ARSJ: variants seen among roughly 807,000 people sequenced by gnomAD.
ARSJ encodes arylsulfatase family member J.
In ARSJ, 26 loss-of-function variants were observed where a neutral mutation model predicts 35.9. The ratio of observed to expected loss-of-function variants is 0.72; its 90% confidence interval spans 0.53 to 1.00. The LOEUF (loss-of-function observed/expected upper bound fraction) is 1.00. ARSJ is among the 50% of genes least tolerant of loss of function. ARSJ has a pLI of 0.00. For synonymous variants in ARSJ, 294 were observed against 267.6 expected (o/e 1.10, Z -0.96); for missense variants, 667 against 723.6 (o/e 0.92, Z 0.90).
At chr4:113,927,727 A>G (rs1724162671) in intron 1 of ARSJ, among the ~76,000 whole-genome samples, 1 of 152,160 alleles carries the variant, frequency 6.6e-6, no homozygotes, top group South Asian at 2.1e-4. Flanking sequence ...AGGAGAATCC[A>G]TTGTCATTCT....
intron 1 of ARSJ, among the ~76,000 whole-genome samples, chr4:113,965,174 AT>A (rs1481161879): frequency 1.3e-5 from 2 of 152,154 alleles, no homozygotes; most frequent in Non-Finnish European, 2.9e-5. Flanking sequence ...GAAAGGTAAT[AT>A]TGACATCATT....
intron 1 of ARSJ, among the ~76,000 whole-genome samples, chr4:113,965,448 C>T (rs1726832139): frequency 6.6e-6 from 1 of 152,080 alleles, no homozygotes; most frequent in Non-Finnish European, 1.5e-5. Flanking sequence ...AGCTTCATTA[C>T]TTACATCTTG....
chr4:113,945,217 A>C (rs764572084), intron 1 of ARSJ, among the ~76,000 whole-genome samples: 1 of 151,982 alleles, frequency 6.6e-6, no homozygotes, highest in Non-Finnish European at 1.5e-5. Context: ...ATCACAGCTC[A>C]CTGACCTCCT....
rs749353614 is a variant in ARSJ, at chr4:113,902,882, G to A, written c.1192C>T (p.Leu398=). Residue 398 remains leucine (L), a synonymous_variant, in exon 2 of 2, where the codon CTA becomes TTA. Transcript: ENST00000315366. The part of the protein sequence containing the change: ...AEGQIDEDIQ[L]DGYDIWETIS... ...GTCTCCCAGATATCATAGCCATCTA[G>A]TTGAATGTCCTCATCAATCTGTCCT... 1.2e-6 allele frequency: 2 copies of A among 1,614,170 alleles called. No homozygotes were observed. The highest frequency in any genetic ancestry group is 2.2e-5 in the South Asian group (2 of 91,088).
chr4:113,967,998 T>G (rs1727000982), intron 1 of ARSJ, among the ~76,000 whole-genome samples: 1 of 152,236 alleles, frequency 6.6e-6, no homozygotes, highest in South Asian at 2.1e-4. Context: ...AGAGTCTGCT[T>G]ATCAGCAAAC....
chr4:113,939,718 A>T (rs1320100178), intron 1 of ARSJ, among the ~76,000 whole-genome samples: 1 of 152,072 alleles, frequency 6.6e-6, no homozygotes, highest in African/African-American at 2.4e-5. Context: ...TCTTTTGAGA[A>T]GTGTCTGTTC....
Position 113,901,720 on chromosome 4 carries a change from T to A in ARSJ, c.*554A>T, listed in dbSNP as rs1038554569. ...AGGAAAAGAAACATATATATATATA[T>A]AAAATAGAATTAATTAAAAAACCCA... On this transcript the variant is annotated 3_prime_UTR_variant, in exon 2 of 2. Coordinates refer to ENST00000315366, the MANE Select transcript of ARSJ (RefSeq NM_024590.4). 4.0e-5 allele frequency: 6 copies of A among 151,836 alleles called. No individual in the cohort carries two copies. Among genetic ancestry groups the A allele is most frequent in the East Asian group, 1.9e-4 (1 of 5,212 alleles). The allele number at this position is 151,836 out of a possible 1,614,324, so 9.4% of individuals were successfully genotyped here. A position where few individuals can be genotyped will look rare whatever the true frequency, so the allele number is the denominator to read the frequency against.
At chr4:113,965,205 T>C (rs540521952) in intron 1 of ARSJ, among the ~76,000 whole-genome samples, 15 of 152,226 alleles carry the variant, frequency 9.9e-5, no homozygotes, top group South Asian at 4.1e-4. Flanking sequence ...ATGAAACAAA[T>C]GAAAAACAAG....
chr4:113,936,667 C>G (rs1312586738), intron 1 of ARSJ, among the ~76,000 whole-genome samples: 1 of 151,804 alleles, frequency 6.6e-6, no homozygotes, highest in Non-Finnish European at 1.5e-5. Flanking sequence ...CCTGTCAAAT[C>G]AGAATCAGAT....
Position 113,902,198 on chromosome 4 carries a change from A to C in ARSJ, c.*76T>G. ...TTAGGCCAGCGATATTATCGAGCCAAATTTGCTGGTTTACCTAGGAAACAG... is the reference window on the plus strand; with the variant it reads ...TTAGGCCAGCGATATTATCGAGCCACATTTGCTGGTTTACCTAGGAAACAG... On this transcript the variant is annotated 3_prime_UTR_variant, in exon 2 of 2. Transcript: ENST00000315366. 6.3e-7 allele frequency: 1 copy of C among 1,599,624 alleles called. No homozygotes were observed. The highest frequency in any genetic ancestry group is 8.5e-7 in the Non-Finnish European group (1 of 1,179,922).
At chr4:113,937,753 G>A (rs1188380982) in intron 1 of ARSJ, among the ~76,000 whole-genome samples, 3 of 151,924 alleles carry the variant, frequency 2.0e-5, no homozygotes, top group East Asian at 3.9e-4. Context: ...CAGCAGAGAA[G>A]CAGAGAGCCA....
In ARSJ at chr4:113,902,065, G is replaced by C; in HGVS notation, c.*209C>G. 6.8e-7 allele frequency: 1 copy of C among 1,475,996 alleles called. No homozygotes were observed. The highest frequency in any genetic ancestry group is 9.2e-7 in the Non-Finnish European group (1 of 1,092,768). The allele number at this position is 1,475,996 out of a possible 1,614,324, so 91.4% of individuals were successfully genotyped here. A position where few individuals can be genotyped will look rare whatever the true frequency, so the allele number is the denominator to read the frequency against. On this transcript the variant is annotated 3_prime_UTR_variant, in exon 2 of 2. Transcript: ENST00000315366. The stretch of plus-strand genomic sequence containing the variant: ...AAATAAACATCTCCACTCTCTCTAA[G>C]TGTGGCTTGCAAGAGTAGCACCTTG...
At chr4:113,947,882 T>C (rs1353192545) in intron 1 of ARSJ, among the ~76,000 whole-genome samples, 1 of 152,110 alleles carries the variant, frequency 6.6e-6, no homozygotes, top group Non-Finnish European at 1.5e-5. Context: ...AAAGTAAGCT[T>C]TTAAATGTTT....
At chr4:113,912,982 G>T (rs1214907360) in intron 1 of ARSJ, among the ~76,000 whole-genome samples, 3 of 152,040 alleles carry the variant, frequency 2.0e-5, no homozygotes, top group African/African-American at 7.2e-5. Flanking sequence ...AAATAAAAAG[G>T]ATTAAATATA....
In ARSJ at chr4:113,955,668, ACTGTTATAATC is replaced by A. The variant is rs1449339807; in HGVS notation, c.398+22758_398+22768del. 2.0e-5 allele frequency among the ~76,000 whole-genome samples: 3 copies of A among 152,136 alleles called. No individual in the cohort carries two copies. In the East Asian group the frequency reaches 5.8e-4, roughly 30 times the overall value. ...CATGTTGCTTTGTTTAACCTTCATA[ACTGTTATAATC>A]CTCTTTTATAGCTCAGGAAACTGAG... On this transcript the variant is annotated intron_variant, in intron 1 of 1. Coordinates refer to ENST00000315366, the MANE Select transcript of ARSJ (RefSeq NM_024590.4).
rs773838206 is a variant in ARSJ at position 113,902,507 on chromosome 4, G to A, written c.1567C>T (p.Leu523Phe). 4 of 1,614,152 alleles carry A rather than the reference G, an allele frequency of 2.5e-6. No homozygotes were observed. The East Asian group carries it at 6.7e-5, about 27-fold the overall frequency. The change falls in exon 2 of 2, where the codon CTC (leucine) becomes TTC (phenylalanine). Residue 523 changes from leucine (L) to phenylalanine (F), a missense_variant. Transcript: ENST00000315366. ...PGIVKKLLRR[L>F]SQFNKTAVPV... is the part of the protein sequence containing the mutation. ...ACTGCAGTTTTGTTGAACTGTGAGA[G>A]CCTCCGTAGGAGCTTCTTCACGATT... is the stretch of plus-strand genomic sequence containing the variant.
At position 113,900,458 on chromosome 4, in the gene ARSJ, T is replaced by C. The variant is rs1400839218; in HGVS notation, c.*1816A>G. 6.6e-6 allele frequency: 1 copy of C among 152,204 alleles called. No homozygotes were observed. The highest frequency in any genetic ancestry group is 2.4e-5 in the African/African-American group (1 of 41,466). 9.4% of individuals were successfully genotyped at this position (152,204 alleles called of 1,614,324 possible). ...ATCTTACCCAATTTAGTAATTTCAG[T>C]ACTAGATTATAGATTCTTTTATACA... On this transcript the variant is annotated 3_prime_UTR_variant, in exon 2 of 2. Transcript: ENST00000315366.
At chr4:113,937,363 T>C (rs1378706340) in intron 1 of ARSJ, among the ~76,000 whole-genome samples, 1 of 151,848 alleles carries the variant, frequency 6.6e-6, no homozygotes, top group African/African-American at 2.4e-5. Flanking sequence ...ATATGGATAA[T>C]AAAGTAGGTA....
chr4:113,904,939 A>G (rs17677106), intron 1 of ARSJ, among the ~76,000 whole-genome samples: 8,661 of 152,352 alleles, frequency 0.057, 327 homozygotes, highest in East Asian at 0.11. Context: ...GTCCTTATGT[A>G]TGTTTCCCAC....
Sources: allele counts gnomAD v4.1 joint callset (sites outside exome capture counted in the v4.1 genomes callset), GRCh38; gene constraint gnomAD v4.1.1; transcripts MANE v1.5; gene names NCBI Gene and HGNC (gene_info 2026-07-23, HGNC 2026-07-21).